The following EDIL3 variants were observed in gnomAD, a reference collection of about 807,000 sequenced individuals.
EDIL3 encodes the protein EGF-like repeat and discoidin I-like domain-containing protein 3.
EDIL3 carries 37 observed loss-of-function variants against 67.4 expected under a neutral mutation model. The ratio of observed to expected loss-of-function variants is 0.55; its 90% CI spans 0.42 to 0.72. EDIL3 has a LOEUF of 0.72. Ranked by LOEUF, EDIL3 falls within the 30% of genes least tolerant of loss-of-function variation. The probability of loss-of-function intolerance (pLI) is 0.00; values close to 1 mark genes in which losing one functional copy is unlikely to be tolerated. For missense variants in EDIL3, 527 were observed against 586.3 expected (o/e 0.90, Z 1.04); for synonymous variants, 195 against 196.3 (o/e 0.99, Z 0.05).
Position 84,192,465 on chromosome 5 carries a change from C to T in EDIL3, c.227-11944G>A, listed in dbSNP as rs16900958. On this transcript the variant is annotated intron_variant, in intron 3 of 10. Transcript: ENST00000296591. ...AACTTTGCTCAAATGACTCTGCAGC[C>T]TTAAATGCCAAATGCCTTTCTTCAC... Among the ~76,000 whole-genome samples the T allele has an allele frequency of 7.0e-3, 1,064 of 152,066 alleles. 17 individuals are homozygous for T. The highest frequency in any genetic ancestry group is 0.024 in the African/African-American group (1,017 of 41,530).
At chr5:84,041,867 A>G (rs1746132621) in intron 9 of EDIL3, among the ~76,000 whole-genome samples, 1 of 152,068 alleles carries the variant, frequency 6.6e-6, no homozygotes, top group South Asian at 2.1e-4. Flanking sequence ...TTTGGGGATT[A>G]AAACCCTACA....
At chr5:84,054,725 C>A (rs371363146) in intron 9 of EDIL3, among the ~76,000 whole-genome samples, 1 of 151,778 alleles carries the variant, frequency 6.6e-6, no homozygotes, top group Non-Finnish European at 1.5e-5. Context: ...TCAAAGAGAA[C>A]AAAATACCTA....
chr5:84,085,811 G>A (rs1175577966), intron 6 of EDIL3, among the ~76,000 whole-genome samples: 9 of 152,180 alleles, frequency 5.9e-5, no homozygotes, highest in Non-Finnish European at 8.8e-5. Flanking sequence ...CTCCCTCCAT[G>A]TGCTCTGTCC....
intron 9 of EDIL3, among the ~76,000 whole-genome samples, chr5:84,036,766 A>G (rs770493198): frequency 6.6e-6 from 1 of 152,132 alleles, no homozygotes; most frequent in Non-Finnish European, 1.5e-5. Flanking sequence ...TTTAATAGTC[A>G]CTGTATTCGT....
intron 1 of EDIL3, among the ~76,000 whole-genome samples, chr5:84,309,466 A>G (rs1352327959): frequency 6.6e-6 from 1 of 151,862 alleles, no homozygotes; most frequent in African/African-American, 2.4e-5. Context: ...AGCATTAGGT[A>G]TATCTCCCAG....
intron 1 of EDIL3, among the ~76,000 whole-genome samples, chr5:84,340,503 A>ACT (rs1170972212): frequency 0.013 from 516 of 38,574 alleles, 8 homozygotes; most frequent in East Asian, 0.035. Flanking sequence ...AGGGAAGATT[A>ACT]CTCTCTCTCT....
At chr5:84,343,009 G>A (rs1244424794) in intron 1 of EDIL3, among the ~76,000 whole-genome samples, 1 of 151,954 alleles carries the variant, frequency 6.6e-6, no homozygotes, top group African/African-American at 2.4e-5. Flanking sequence ...TTGTAATCAA[G>A]TTTTCTTTCA....
At chr5:84,213,652 CA>C (rs1323837296) in intron 3 of EDIL3, among the ~76,000 whole-genome samples, 2 of 152,036 alleles carry the variant, frequency 1.3e-5, no homozygotes, top group African/African-American at 4.8e-5. Context: ...AAAGAAAAAA[CA>C]GGTGAGTAGA....
chr5:84,218,503 A>C (rs1286906922), intron 3 of EDIL3, among the ~76,000 whole-genome samples: 2 of 152,206 alleles, frequency 1.3e-5, no homozygotes. Context: ...CTGCAAGAAC[A>C]CCAGACCGAA....
intron 2 of EDIL3, among the ~76,000 whole-genome samples, chr5:84,248,532 A>G (rs1322898035): frequency 6.6e-6 from 1 of 152,138 alleles, no homozygotes; most frequent in East Asian, 1.9e-4. Context: ...CTGTTTCTAG[A>G]CAGACTCATC....
intron 5 of EDIL3, among the ~76,000 whole-genome samples, chr5:84,114,957 GC>G (rs1378544935): frequency 1.3e-5 from 2 of 152,186 alleles, no homozygotes; most frequent in Non-Finnish European, 2.9e-5. Context: ...TAGAGACGAT[GC>G]CTTTTGCATT....
At chr5:83,959,474 G>C (rs1744570686) in intron 10 of EDIL3, among the ~76,000 whole-genome samples, 2 of 150,934 alleles carry the variant, frequency 1.3e-5, no homozygotes, top group Admixed American at 1.3e-4. Context: ...CAGCACAAAA[G>C]AAGACTTAGA....
chr5:84,348,252 AG>A, intron 1 of EDIL3, among the ~76,000 whole-genome samples: 1 of 152,256 alleles, frequency 6.6e-6, no homozygotes, highest in African/African-American at 2.4e-5. Flanking sequence ...TCATTGCTTG[AG>A]GGCTGATCCA....
chr5:84,370,905 G>A (rs543090818), intron 1 of EDIL3, among the ~76,000 whole-genome samples: 1 of 152,104 alleles, frequency 6.6e-6, no homozygotes, highest in East Asian at 1.9e-4. Flanking sequence ...TATACCAGCA[G>A]AGTTGTTCTT....
At chr5:84,067,587 A>G (rs1433098122) in intron 6 of EDIL3, among the ~76,000 whole-genome samples, 3 of 152,232 alleles carry the variant, frequency 2.0e-5, no homozygotes, top group Non-Finnish European at 4.4e-5. Flanking sequence ...TGATTCAGAT[A>G]TTATTTTCCA....
intron 9 of EDIL3, among the ~76,000 whole-genome samples, chr5:83,984,035 G>C (rs763090497): frequency 1.3e-5 from 2 of 151,994 alleles, no homozygotes; most frequent in Non-Finnish European, 2.9e-5. Flanking sequence ...ATTGACTTAA[G>C]AGGCCAGGAC....
At position 84,384,363 on chromosome 5, in the gene EDIL3, C is replaced by T. The variant is rs755797208; in HGVS notation, c.12G>A (p.Ser4=). ...GCCCGACCAAGAGCCAGACGGCTACCGAGCGCTTCATGATCCCGTCTCCCG... is the reference window on the plus strand; with the variant it reads ...GCCCGACCAAGAGCCAGACGGCTACTGAGCGCTTCATGATCCCGTCTCCCG... The part of the protein sequence containing the change: MKR[S]VAVWLLVGLS... The change falls in exon 1 of 11, where the codon TCG becomes TCA. Residue 4 remains serine, a synonymous_variant. Coordinates refer to ENST00000296591, the MANE Select transcript of EDIL3 (RefSeq NM_005711.5). 1 of 1,612,624 alleles carries T rather than the reference C, an allele frequency of 6.2e-7. No homozygotes were observed.
intron 1 of EDIL3, among the ~76,000 whole-genome samples, chr5:84,303,560 G>A (rs934312815): frequency 2.6e-5 from 4 of 152,052 alleles, no homozygotes; most frequent in African/African-American, 9.7e-5. Context: ...ACGCGTACTA[G>A]TCTGCACTCC....
At chr5:84,301,018 CCAA>C (rs755184722) in intron 1 of EDIL3, among the ~76,000 whole-genome samples, 26 of 151,916 alleles carry the variant, frequency 1.7e-4, no homozygotes, top group Admixed American at 3.9e-4. Context: ...GCCTGTAATC[CCAA>C]CATTTTGGGT....
Sources: gnomAD v4.1 joint callset for allele counts (sites outside exome capture counted in the v4.1 genomes callset) on GRCh38, gnomAD v4.1.1 for gene constraint, MANE v1.5 for transcripts, NCBI Gene and HGNC (gene_info 2026-07-23, HGNC 2026-07-21) for gene names.